Variants in B4GALNT3 observed in about 807,000 individuals in gnomAD.
B4GALNT3 encodes beta-1,4-N-acetyl-galactosaminyltransferase 3.
Under a neutral mutation model 120.2 loss-of-function variants are expected in B4GALNT3, and 86 were observed. The ratio of observed to expected loss-of-function variants is 0.72; its 90% confidence interval spans 0.60 to 0.86. The LOEUF is 0.86. B4GALNT3 is among the 40% of genes least tolerant of loss of function. The pLI is 0.00. For missense variants in B4GALNT3, 1,167 were observed against 1,298.9 expected (o/e 0.90, Z 1.56); for synonymous variants, 518 against 510.4 (o/e 1.01, Z -0.20).
intron 1 of B4GALNT3, among the ~76,000 whole-genome samples, chr12:462,049 A>G (rs893464239): frequency 6.6e-6 from 1 of 152,180 alleles, no homozygotes; most frequent in Non-Finnish European, 1.5e-5. Flanking sequence ...TCCAAGCAGC[A>G]GAGCCCCTTC....
chr12:491,049 T>C lies in B4GALNT3; in HGVS notation c.169+30504T>C, dbSNP rs149842465. On this transcript the variant is annotated intron_variant, in intron 1 of 19. Coordinates refer to ENST00000266383, the MANE Select transcript of B4GALNT3 (RefSeq NM_173593.4). ...TTCTATGAGGCCAGCATTACCTTAA[T>C]ACCAGACCCAGACAAAGACCTTACA... 5.5e-3 allele frequency among the ~76,000 whole-genome samples: 839 copies of C among 152,284 alleles called. 4 individuals carry two copies. Among genetic ancestry groups the C allele is most frequent in the African/African-American group, 0.019 (770 of 41,550 alleles).
At chr12:560,682 C>T (rs748868249) in intron 19 of B4GALNT3, among the ~76,000 whole-genome samples, 13 of 152,188 alleles carry the variant, frequency 8.5e-5, no homozygotes, top group Non-Finnish European at 1.3e-4. Flanking sequence ...TTTGGGAAGC[C>T]GGGTCCAGCA....
Position 553,771 on chromosome 12 carries a change from G to C in B4GALNT3, c.1848G>C (p.Glu616Asp). 6.2e-7 allele frequency: 1 copy of C among 1,614,228 alleles called. No individual in the cohort carries two copies. Among genetic ancestry groups the C allele is most frequent in the Non-Finnish European group, 8.5e-7 (1 of 1,180,030 alleles). Reference sequence around the variant, plus strand: ...AGGGGGAAGAAGAGGAGGAGGAAGAGGATATGAGTGAGGTGTTCGAGTACG... The same window carrying C: ...AGGGGGAAGAAGAGGAGGAGGAAGACGATATGAGTGAGGTGTTCGAGTACG... The part of the protein sequence containing the change: ...EEEGEEEEEE[E>D]DMSEVFEYVP... The change falls in exon 14 of 20, where the codon GAG becomes GAC. Residue 616 changes from glutamate (E) to aspartate (D), a missense_variant. Around this residue, in one of 3 missense-constraint regions of B4GALNT3, gnomAD observed 983 missense variants for 1,102.5 expected, o/e 0.89. Coordinates refer to ENST00000266383, the MANE Select transcript of B4GALNT3 (RefSeq NM_173593.4).
intron 1 of B4GALNT3, among the ~76,000 whole-genome samples, chr12:498,611 T>A (rs1370887497): frequency 2.0e-5 from 3 of 151,218 alleles, no homozygotes; most frequent in Non-Finnish European, 2.9e-5. Context: ...GGAACAGGCA[T>A]CATAGAAGGA....
chr12:544,470 C>T (rs1490793240), intron 4 of B4GALNT3, 36 bp downstream of exon 4: 1 of 1,552,734 alleles, frequency 6.4e-7, no homozygotes, highest in Non-Finnish European at 8.9e-7. Flanking sequence ...CACCTCCCTC[C>T]ACACCTGCCT....
chr12:554,613 A>AC (rs1331654612), intron 14 of B4GALNT3, among the ~76,000 whole-genome samples: 2 of 151,138 alleles, frequency 1.3e-5, no homozygotes, highest in Non-Finnish European at 2.9e-5. Flanking sequence ...ACACGGTGAA[A>AC]CCCCGTCTCT....
intron 3 of B4GALNT3, chr12:543,138 T>G (rs1445644089): frequency 1.5e-5 from 19 of 1,289,428 alleles, no homozygotes; most frequent in East Asian, 5.5e-5. Context: ...AGAGTATGTG[T>G]GTGTGTGTGC....
rs146338303 is a variant in B4GALNT3 at position 503,542 on chromosome 12, G to A, written c.170-31624G>A. ...CTCACTGCTCACGCCTCTTTGCTGTGTGGAGCAGTGAATTAATGTCTTTAA... is the reference window on the plus strand; with the variant it reads ...CTCACTGCTCACGCCTCTTTGCTGTATGGAGCAGTGAATTAATGTCTTTAA... On this transcript the variant is annotated intron_variant, in intron 1 of 19. Coordinates refer to ENST00000266383, the MANE Select transcript of B4GALNT3 (RefSeq NM_173593.4). 7.9e-5 allele frequency among the ~76,000 whole-genome samples: 12 copies of A among 152,266 alleles called. No homozygotes were observed. In the East Asian group the frequency reaches 2.3e-3, roughly 29 times the overall value.
chr12:545,155 C>T (rs1486208740), intron 5 of B4GALNT3, 183 bp downstream of exon 5: 2 of 1,442,682 alleles, frequency 1.4e-6, no homozygotes, highest in Non-Finnish European at 1.8e-6. Context: ...TGCTTTGCTC[C>T]CTGGTTTGCA....
At chr12:559,061 G>C (rs1947193295) in intron 18 of B4GALNT3, among the ~76,000 whole-genome samples, 1 of 152,058 alleles carries the variant, frequency 6.6e-6, no homozygotes, top group Non-Finnish European at 1.5e-5. Flanking sequence ...TCCATTTGTA[G>C]GGTTGTTATC....
At chr12:532,268 C>A (rs1238353460) in intron 1 of B4GALNT3, among the ~76,000 whole-genome samples, 1 of 152,214 alleles carries the variant, frequency 6.6e-6, no homozygotes, top group South Asian at 2.1e-4. Context: ...TACCCAGGGG[C>A]AAGACCTGAC....
chr12:490,867 G>A (rs546136022), intron 1 of B4GALNT3, among the ~76,000 whole-genome samples: 11 of 152,234 alleles, frequency 7.2e-5, no homozygotes, highest in Non-Finnish European at 1.3e-4. Context: ...TATCTACTAA[G>A]GAATTTGAAG....
chr12:501,162 AT>A (rs1177110226), intron 1 of B4GALNT3, among the ~76,000 whole-genome samples: 1 of 152,106 alleles, frequency 6.6e-6, no homozygotes, highest in African/African-American at 2.4e-5. Flanking sequence ...GGCGTGAGCC[AT>A]TGCGCTGGCC....
intron 1 of B4GALNT3, among the ~76,000 whole-genome samples, chr12:466,383 TCTC>T (rs1178884968): frequency 1.3e-4 from 20 of 152,128 alleles, no homozygotes; most frequent in Admixed American, 1.0e-3. Context: ...GCTGTCTAGT[TCTC>T]CTCTGCAGCG....
intron 1 of B4GALNT3, among the ~76,000 whole-genome samples, chr12:530,732 G>C (rs1286706673): frequency 6.6e-6 from 1 of 152,188 alleles, no homozygotes; most frequent in Non-Finnish European, 1.5e-5. Flanking sequence ...ACATATGCGA[G>C]AGTCTTAGAA....
At chr12:509,636 G>A (rs1946528099) in intron 1 of B4GALNT3, among the ~76,000 whole-genome samples, 1 of 152,172 alleles carries the variant, frequency 6.6e-6, no homozygotes, top group Non-Finnish European at 1.5e-5. Flanking sequence ...GGTGGCAAGA[G>A]CATGCGGTTC....
chr12:524,150 A>T (rs1026368468), intron 1 of B4GALNT3, among the ~76,000 whole-genome samples: 1 of 152,216 alleles, frequency 6.6e-6, no homozygotes, highest in Non-Finnish European at 1.5e-5. Context: ...CCACCCCGAT[A>T]TGGTCTAACC....
Position 548,252 on chromosome 12 carries a change from G to A in B4GALNT3, c.808G>A (p.Ala270Thr), listed in dbSNP as rs770423770. The change falls in exon 9 of 20, where the codon GCC (alanine) becomes ACC (threonine). Residue 270 changes from alanine to threonine, a missense_variant. By Grantham distance (58) the Ala-to-Thr change is moderately conservative. Transcript: ENST00000266383. This position sits in a 1 kb window ranked among gnomAD's most constrained non-coding sequence, Gnocchi z 4.9. Reference sequence around the variant, plus strand: ...CCAGTGGCGACGGAACGACCCTGGAGCCAAGTTCACCATCATTGACTCCCT... The same window carrying A: ...CCAGTGGCGACGGAACGACCCTGGAACCAAGTTCACCATCATTGACTCCCT... ...EVAWRRNDPGAKFTIIDSLSL... is the reference protein window; with the variant it reads ...EVAWRRNDPGTKFTIIDSLSL... The A allele has an allele frequency of 1.2e-6, 2 of 1,614,126 alleles. No homozygotes were observed. The highest frequency in any genetic ancestry group is 2.2e-5 in the South Asian group (2 of 91,078).
intron 3 of B4GALNT3, among the ~76,000 whole-genome samples, chr12:536,820 T>G (rs1946865698): frequency 6.6e-6 from 1 of 152,168 alleles, no homozygotes; most frequent in Non-Finnish European, 1.5e-5. Context: ...ATTTTATAGG[T>G]GGAAAAACAA....
Sources: allele counts gnomAD v4.1 joint callset (sites outside exome capture counted in the v4.1 genomes callset), GRCh38; gene constraint gnomAD v4.1.1; regional missense constraint gnomAD v4.1.1; non-coding constraint Gnocchi (gnomAD v3.1); transcripts MANE v1.5; gene names NCBI Gene and HGNC (gene_info 2026-07-23, HGNC 2026-07-21).